PTK7: variants seen among roughly 807,000 people sequenced by gnomAD.
The protein encoded by PTK7 is protein tyrosine kinase 7 (inactive), also known as inactive tyrosine-protein kinase 7.
Under a neutral mutation model 116.6 loss-of-function variants are expected in PTK7, and 39 were observed. The ratio of observed to expected loss-of-function variants is 0.33; its 90% CI spans 0.26 to 0.44. The LOEUF is 0.44. Among genes scored for constraint, PTK7 ranks in the 20% least tolerant of loss-of-function variants. The pLI is 1.00. For synonymous variants in PTK7, 546 were observed against 563.6 expected (o/e 0.97, Z 0.44); for missense variants, 1,169 against 1,425.6 (o/e 0.82, Z 2.90).
chr6:43,118,896 G>A (rs1768779157), intron 1 of PTK7, among the ~76,000 whole-genome samples: 2 of 150,596 alleles, frequency 1.3e-5, no homozygotes, highest in African/African-American at 4.9e-5. Context: ...AGCCTCCCAA[G>A]TAGCTGGGAC....
At position 43,130,296 on chromosome 6, in the gene PTK7, C is replaced by G; in HGVS notation, c.537C>G (p.Ser179Arg). The change falls in exon 4 of 20, where the codon AGC (serine) becomes AGG (arginine). Residue 179 changes from serine to arginine, a missense_variant. By Grantham distance (110) the Ser-to-Arg change is moderately radical (BLOSUM62 -1). Transcript: ENST00000230419. ...ATGGTCAGAGCAACCACACAGTCAG[C>G]AGCAAGGAGCGGAACCTGACGCTCC... is the stretch of plus-strand genomic sequence containing the variant. Reference protein sequence around the residue: ...LSDGQSNHTVSSKERNLTLRP... With the variant: ...LSDGQSNHTVRSKERNLTLRP... 6.2e-7 allele frequency: 1 copy of G among 1,611,244 alleles called. No homozygotes were observed. The highest frequency in any genetic ancestry group is 8.5e-7 in the Non-Finnish European group (1 of 1,178,168).
Position 43,132,501 on chromosome 6 carries a change from G to A in PTK7, c.1042G>A (p.Gly348Ser). ...EERVTCLPPK[G>S]LPEPSVWWEH... ...GCGTGTGACCTGCCTTCCCCCCAAGGGTCTGCCAGAGCCCAGCGTGTGGTG... is the reference window on the plus strand; with the variant it reads ...GCGTGTGACCTGCCTTCCCCCCAAGAGTCTGCCAGAGCCCAGCGTGTGGTG... The change falls in exon 7 of 20, where the codon GGT (glycine) becomes AGT (serine). Residue 348 changes from glycine (G) to serine (S), a missense_variant. Physicochemically the swap from Gly to Ser is moderately conservative, Grantham distance 56. Coordinates refer to ENST00000230419, the MANE Select transcript of PTK7 (RefSeq NM_002821.5). 1 of 1,611,384 alleles carries A rather than the reference G, an allele frequency of 6.2e-7. No homozygotes were observed. Among genetic ancestry groups the A allele is most frequent in the Non-Finnish European group, 8.5e-7 (1 of 1,178,054 alleles).
rs886556186 is a variant in PTK7, at chr6:43,143,557, T to C, written c.2188T>C (p.Cys730Arg). 1 of 1,613,652 alleles carries C rather than the reference T, an allele frequency of 6.2e-7. No homozygotes were observed. Among genetic ancestry groups the C allele is most frequent in the African/African-American group, 1.3e-5 (1 of 74,894 alleles). ...LGLMFYCKKR[C>R]KAKRLQKQPE... ...CCTCATGTTCTACTGCAAGAAGCGC[T>C]GCAAAGCCAAGCGGCTGCAGAAGCA... Residue 730 changes from cysteine to arginine, a missense_variant, in exon 14 of 20, where the codon TGC (cysteine) becomes CGC (arginine). Cys to Arg is a radical substitution (Grantham distance 180). Coordinates refer to ENST00000230419, the MANE Select transcript of PTK7 (RefSeq NM_002821.5). The surrounding 1 kb of genome is among the most constrained non-coding windows in gnomAD (Gnocchi z 4.2).
At chr6:43,126,878 A>G (rs187211508) in intron 1 of PTK7, among the ~76,000 whole-genome samples, 178 of 152,332 alleles carry the variant, frequency 1.2e-3, no homozygotes, top group African/African-American at 3.8e-3. Context: ...GAGAACCATC[A>G]GTGCCACGCT....
intron 1 of PTK7, among the ~76,000 whole-genome samples, chr6:43,123,047 C>T (rs940729577): frequency 1.3e-5 from 2 of 152,206 alleles, no homozygotes; most frequent in African/African-American, 4.8e-5. Context: ...CTCTGTGGAG[C>T]ACACTCCTGG....
rs1479292405 is a variant in PTK7 at position 43,142,009 on chromosome 6, A to G, written c.1847A>G (p.Gln616Arg). The G allele has an allele frequency of 3.1e-6, 5 of 1,613,798 alleles. No homozygotes were observed. In the South Asian group the frequency reaches 4.4e-5, roughly 14 times the overall value. Residue 616 changes from glutamine (Q) to arginine (R), a missense_variant, in exon 12 of 20, where the codon CAG becomes CGG. Gln to Arg is a conservative substitution (Grantham distance 43, BLOSUM62 1). Transcript: ENST00000230419. ...ACAGCCCTACTGCAGTGCGAGGCCC[A>G]GGGGGACCCCAAGCCGCTGATTCAG... ...GHTALLQCEA[Q>R]GDPKPLIQWK...
rs151126990 is a variant in PTK7 at position 43,132,021 on chromosome 6, C to T, written c.818C>T (p.Pro273Leu). The T allele has an allele frequency of 9.3e-6, 15 of 1,613,940 alleles. No homozygotes were observed. The highest frequency in any genetic ancestry group is 2.7e-5 in the African/African-American group (2 of 74,930). The change falls in exon 6 of 20, where the codon CCA becomes CTA. Residue 273 changes from proline (P) to leucine (L), a missense_variant. Pro to Leu is a moderately conservative substitution (Grantham distance 98). Around this residue, in one of 3 missense-constraint regions of PTK7, gnomAD observed 487 missense variants for 549.8 expected, o/e 0.89. Transcript: ENST00000230419. ...ETPITNRSRP[P>L]HLRRATVFAN... Reference sequence around the variant, plus strand: ...TTGCACTCTCCCCTCTGCAGCCCCCCACACCTCCGCAGAGCCACAGTGTTT... The same window carrying T: ...TTGCACTCTCCCCTCTGCAGCCCCCTACACCTCCGCAGAGCCACAGTGTTT...
At chr6:43,152,054 A>T (rs1486143211) in intron 17 of PTK7, among the ~76,000 whole-genome samples, 1 of 146,216 alleles carries the variant, frequency 6.8e-6, no homozygotes, top group Non-Finnish European at 1.5e-5. Flanking sequence ...TCATCATGTT[A>T]GCCAGGATGG....
At chr6:43,077,603 G>A (rs1360318830) in intron 1 of PTK7, among the ~76,000 whole-genome samples, 1 of 152,072 alleles carries the variant, frequency 6.6e-6, no homozygotes, top group Admixed American at 6.5e-5. Flanking sequence ...CAAATAGCCC[G>A]GACTGGAAAT....
intron 17 of PTK7, among the ~76,000 whole-genome samples, chr6:43,152,652 C>CA (rs774091214): frequency 6.6e-6 from 1 of 152,194 alleles, no homozygotes; most frequent in Non-Finnish European, 1.5e-5. Context: ...CTGTGCTGGT[C>CA]AATATAGTTG....
In PTK7 at chr6:43,118,643, CTCTCTCTCTCTCTCTCTATATATA is replaced by C. The variant is rs1418788590; in HGVS notation, c.80-10332_80-10309del. On this transcript the variant is annotated intron_variant, in intron 1 of 19. Transcript: ENST00000230419. ...AACCTCTCTCTCTCTCTCTCTCTCT[CTCTCTCTCTCTCTCTCTATATATA>C]TATATATATATATATATATATGTAT... 1.4e-4 allele frequency among the ~76,000 whole-genome samples: 12 copies of C among 84,486 alleles called. No homozygotes were observed. In the East Asian group the frequency reaches 3.3e-3, roughly 23 times the overall value. 55.4% of individuals were successfully genotyped at this position (84,486 alleles called of 152,430 possible). A position where few individuals can be genotyped will look rare whatever the true frequency, so the allele number is the denominator to read the frequency against.
At chr6:43,142,106 C>T (rs377435992) in intron 12 of PTK7, 25 bp downstream of exon 12, 158 of 1,611,948 alleles carry the variant, frequency 9.8e-5, no homozygotes, top group Non-Finnish European at 1.2e-4. Context: ...CTCCCACACC[C>T]GTCCCTCCTC....
intron 13 of PTK7, 196 bp downstream of exon 13, chr6:43,142,495 A>C: frequency 1.0e-5 from 9 of 858,962 alleles, no homozygotes; most frequent in East Asian, 8.5e-5. Context: ...TTTAACATCC[A>C]ACGGTCGGTG....
intron 1 of PTK7, among the ~76,000 whole-genome samples, chr6:43,112,291 CGTA>C (rs1158572115): frequency 1.4e-5 from 2 of 147,742 alleles, no homozygotes; most frequent in Non-Finnish European, 3.0e-5. Flanking sequence ...TATTTAGAGA[CGTA>C]GTCTCCCTCT....
At chr6:43,110,191 C>CTTTTTGT (rs1768118918) in intron 1 of PTK7, among the ~76,000 whole-genome samples, 2 of 151,586 alleles carry the variant, frequency 1.3e-5, no homozygotes, top group Non-Finnish European at 2.9e-5. Context: ...ATACAAAATA[C>CTTTTTGT]ATGCTGGCCA....
chr6:43,130,119 G>A (rs1769564289), intron 3 of PTK7, 111 bp from the exon 4 acceptor site: 7 of 1,177,028 alleles, frequency 5.9e-6, no homozygotes, highest in South Asian at 1.5e-5. Flanking sequence ...TCCTCAGGCC[G>A]TTTCTCCATG....
intron 1 of PTK7, among the ~76,000 whole-genome samples, chr6:43,093,850 G>A (rs1166105246): frequency 6.6e-6 from 1 of 152,146 alleles, no homozygotes; most frequent in Non-Finnish European, 1.5e-5. Context: ...CCCAAGCAGC[G>A]GCTTAAGGGC....
chr6:43,079,327 C>T (rs963667491), intron 1 of PTK7, among the ~76,000 whole-genome samples: 12 of 152,054 alleles, frequency 7.9e-5, no homozygotes, highest in Non-Finnish European at 1.8e-4. Flanking sequence ...ATTAGCCAGG[C>T]GTGGTGGCGG....
chr6:43,132,922 G>T (rs1044164492), intron 7 of PTK7: 10 of 620,054 alleles, frequency 1.6e-5, no homozygotes, highest in Non-Finnish European at 2.6e-5. Context: ...GGTCCTCTGG[G>T]TACAGAGGAA....
Sources: gnomAD v4.1 joint callset for allele counts (sites outside exome capture counted in the v4.1 genomes callset) on GRCh38, gnomAD v4.1.1 for gene constraint, gnomAD v4.1.1 regional missense constraint, Gnocchi (gnomAD v3.1) non-coding constraint, MANE v1.5 for transcripts, NCBI Gene and HGNC (gene_info 2026-07-23, HGNC 2026-07-21) for gene names.